The following ROPN1 variants were observed in gnomAD, a reference collection of about 807,000 sequenced individuals.
ROPN1 encodes the protein ropporin-1A.
A neutral mutation model predicts 20.5 loss-of-function variants in ROPN1; 14 were observed. The observed-to-expected ratio is 0.68, with a 90% CI of 0.45 to 1.07. The LOEUF (loss-of-function observed/expected upper bound fraction) is 1.07. Ranked by LOEUF, ROPN1 falls within the 50% of genes least tolerant of loss-of-function variation. The pLI, the probability that ROPN1 is intolerant of heterozygous loss-of-function variation, is 0.00. For missense variants in ROPN1, 169 were observed against 242.8 expected, an observed-to-expected ratio of 0.70 and a Z score of 2.02; for synonymous variants, 76 against 95.7, an observed-to-expected ratio of 0.79 and a Z score of 1.20.
intron 1 of ROPN1, among the ~76,000 whole-genome samples, chr3:123,988,038 T>A (rs181485266): frequency 1.5e-4 from 23 of 152,344 alleles, no homozygotes; most frequent in Admixed American, 1.4e-3. Flanking sequence ...GGGGACCTGG[T>A]GTACACACTT....
chr3:123,982,004 C>T (rs1366454905), intron 1 of ROPN1, among the ~76,000 whole-genome samples: 2 of 152,016 alleles, frequency 1.3e-5, no homozygotes, highest in Non-Finnish European at 2.9e-5. Flanking sequence ...ATAATGCATA[C>T]ATATCAGTAA....
intron 1 of ROPN1, 136 bp from the exon 2 acceptor site, chr3:123,980,629 T>C: frequency 1.5e-6 from 1 of 667,630 alleles, no homozygotes; most frequent in Non-Finnish European, 2.5e-6. Context: ...CATTCTATTA[T>C]TACACAACGC....
intron 3 of ROPN1, among the ~76,000 whole-genome samples, chr3:123,976,435 G>A (rs762369341): frequency 2.0e-5 from 3 of 148,928 alleles, no homozygotes; most frequent in Admixed American, 6.7e-5. Context: ...GCTATGAAGA[G>A]GCTCACAGCC....
intron 1 of ROPN1, among the ~76,000 whole-genome samples, chr3:123,990,899 G>C (rs561511718): frequency 1.2e-3 from 186 of 152,282 alleles, no homozygotes; most frequent in African/African-American, 4.2e-3. Context: ...GGGCTAAACA[G>C]GGCTTCCGTT....
At chr3:123,990,816 G>A (rs1355459513) in intron 1 of ROPN1, among the ~76,000 whole-genome samples, 1 of 152,170 alleles carries the variant, frequency 6.6e-6, no homozygotes, top group East Asian at 1.9e-4. Context: ...TACCTGCCAA[G>A]TGCTGAAGAA....
chr3:123,985,549 T>C (rs1387218187), intron 1 of ROPN1, among the ~76,000 whole-genome samples: 1 of 152,226 alleles, frequency 6.6e-6, no homozygotes, highest in Non-Finnish European at 1.5e-5. Context: ...GTTTGTGACT[T>C]ATTTATTCTT....
chr3:123,978,967 C>A (rs2038078865), intron 2 of ROPN1: 1 of 161,692 alleles, frequency 6.2e-6, no homozygotes, highest in Non-Finnish European at 1.4e-5. Context: ...TACTATAAAA[C>A]GGCAGCACAA....
intron 2 of ROPN1, 43 bp from the exon 3 acceptor site, chr3:123,977,024 A>C: frequency 1.3e-6 from 2 of 1,546,436 alleles, no homozygotes; most frequent in Non-Finnish European, 1.8e-6. Context: ...CCTATACACC[A>C]GTGGCCTCTG....
chr3:123,988,946 T>C (rs2038334232), intron 1 of ROPN1, among the ~76,000 whole-genome samples: 1 of 152,002 alleles, frequency 6.6e-6, no homozygotes, highest in South Asian at 2.1e-4. Context: ...GGATGAGGCA[T>C]CTAACATCTG....
chr3:123,980,830 T>TA (rs910031743), intron 1 of ROPN1: 3 of 200,378 alleles, frequency 1.5e-5, no homozygotes, highest in African/African-American at 7.0e-5. Flanking sequence ...GTTTGTAAAA[T>TA]AAAAAAATAA....
intron 4 of ROPN1, among the ~76,000 whole-genome samples, chr3:123,971,649 G>C (rs1464432666): frequency 2.6e-5 from 4 of 152,160 alleles, no homozygotes; most frequent in African/African-American, 9.7e-5. Flanking sequence ...AATCATGCAT[G>C]TGAGATGAGG....
intron 1 of ROPN1, among the ~76,000 whole-genome samples, chr3:123,985,929 G>T (rs1218295045): frequency 1.6e-5 from 2 of 126,156 alleles, no homozygotes; most frequent in Non-Finnish European, 3.1e-5. Flanking sequence ...GGAGGATGAG[G>T]TTGCAATGAG....
intron 1 of ROPN1, among the ~76,000 whole-genome samples, chr3:123,981,965 G>A (rs748454351): frequency 2.6e-5 from 4 of 152,046 alleles, no homozygotes; most frequent in Non-Finnish European, 5.9e-5. Context: ...GGTAAAAACA[G>A]GAAAAGTAGA....
chr3:123,976,121 A>G (rs113824199), intron 3 of ROPN1, among the ~76,000 whole-genome samples: 4 of 152,196 alleles, frequency 2.6e-5, no homozygotes, highest in Non-Finnish European at 4.4e-5. Context: ...TGCACAAGGT[A>G]CTTGGTGGAT....
chr3:123,979,500 G>T (rs2148995437), intron 2 of ROPN1: 19 of 373,736 alleles, frequency 5.1e-5, no homozygotes, highest in South Asian at 3.6e-4. Flanking sequence ...CTCAAGTCCT[G>T]GTTCCCCAGT....
intron 4 of ROPN1, among the ~76,000 whole-genome samples, chr3:123,971,235 G>C (rs745602243): frequency 4.6e-5 from 7 of 152,172 alleles, no homozygotes; most frequent in African/African-American, 1.7e-4. Flanking sequence ...CCTAGATGAG[G>C]CTTCTCTAAC....
At chr3:123,976,524 T>TTCATCA (rs2148993321) in intron 3 of ROPN1, among the ~76,000 whole-genome samples, 1 of 152,300 alleles carries the variant, frequency 6.6e-6, no homozygotes, top group East Asian at 1.9e-4. Flanking sequence ...AACTGTGATT[T>TTCATCA]TCATCATATT....
At chr3:123,978,337 G>A (rs570206216) in intron 2 of ROPN1, among the ~76,000 whole-genome samples, 1 of 152,178 alleles carries the variant, frequency 6.6e-6, no homozygotes, top group African/African-American at 2.4e-5. Flanking sequence ...CCAGACTTGG[G>A]TGGTATAAAT....
In ROPN1 at chr3:123,969,047, T is replaced by C; in HGVS notation, c.*108A>G. On this transcript the variant is annotated 3_prime_UTR_variant, in exon 6 of 6. Transcript: ENST00000405845. ...TCTCATATGTTTAATTGTTTATTAG[T>C]GTGTACCAGTTGTACAAGAAAATTG... 1 of 845,132 alleles carries C rather than the reference T, an allele frequency of 1.2e-6. No homozygotes were observed. Among genetic ancestry groups the C allele is most frequent in the South Asian group, 1.4e-5 (1 of 73,012 alleles). 52.4% of individuals were successfully genotyped at this position (845,132 alleles called of 1,614,324 possible).
Sources: allele counts gnomAD v4.1 joint callset (sites outside exome capture counted in the v4.1 genomes callset), GRCh38; gene constraint gnomAD v4.1.1; transcripts MANE v1.5; gene names NCBI Gene and HGNC (gene_info 2026-07-23, HGNC 2026-07-21).